Variants in SEMA6D observed in about 807,000 individuals in gnomAD.
SEMA6D encodes semaphorin 6D.
Under a neutral mutation model 106.6 loss-of-function variants are expected in SEMA6D, and 35 were observed. The ratio of observed to expected loss-of-function variants is 0.33; its 90% CI spans 0.25 to 0.44. The LOEUF is 0.44. Among genes scored for constraint, SEMA6D ranks in the 20% least tolerant of loss-of-function variants. The pLI, the probability that SEMA6D is intolerant of heterozygous loss-of-function variation, is 1.00. For missense variants in SEMA6D, 1,185 were observed against 1,345.9 expected (o/e 0.88, Z 1.87); for synonymous variants, 499 against 487.7 (o/e 1.02, Z -0.31).
chr15:47,227,882 CATATATATTTTATATATATAAGAATCTT>C (rs1555407333), intron 1 of SEMA6D, among the ~76,000 whole-genome samples: 6 of 100,170 alleles, frequency 6.0e-5, no homozygotes, highest in Admixed American at 2.1e-4. Flanking sequence ...ATATAAGAAT[CATATATATTTTATATATATAAGAATCTT>C]ATATATATTT....
chr15:47,197,685 G>A (rs926181448), intron 1 of SEMA6D, among the ~76,000 whole-genome samples: 2 of 152,022 alleles, frequency 1.3e-5, no homozygotes, highest in African/African-American at 4.8e-5. Context: ...TTGACTCACT[G>A]AAGGGCTTTT....
intron 1 of SEMA6D, among the ~76,000 whole-genome samples, chr15:47,727,900 G>A (rs1271011416): frequency 3.3e-5 from 5 of 152,288 alleles, no homozygotes; most frequent in Non-Finnish European, 5.9e-5. Flanking sequence ...CTTGTGCTTT[G>A]CACAATTGAC....
intron 1 of SEMA6D, among the ~76,000 whole-genome samples, chr15:47,394,539 G>C (rs1056488298): frequency 2.0e-5 from 3 of 152,060 alleles, no homozygotes; most frequent in East Asian, 1.9e-4. Flanking sequence ...GAGGGTCAAC[G>C]GTATTCACTA....
At chr15:47,757,638 T>C (rs2081830912) in intron 1 of SEMA6D, among the ~76,000 whole-genome samples, 1 of 152,216 alleles carries the variant, frequency 6.6e-6, no homozygotes, top group Non-Finnish European at 1.5e-5. Context: ...TGTTTTGTTA[T>C]GTTACTTTAT....
At chr15:47,466,853 A>G (rs1349293569) in intron 2 of SEMA6D, among the ~76,000 whole-genome samples, 1 of 147,942 alleles carries the variant, frequency 6.8e-6, no homozygotes, top group African/African-American at 2.5e-5. Context: ...CAGCCTCCCT[A>G]GTAGCTGGGA....
At chr15:47,573,873 A>G (rs2076109664) in intron 3 of SEMA6D, among the ~76,000 whole-genome samples, 1 of 151,882 alleles carries the variant, frequency 6.6e-6, no homozygotes, top group African/African-American at 2.4e-5. Flanking sequence ...ACTTTATCCT[A>G]CTCCATACAT....
chr15:47,709,009 A>G (rs1302151525), intron 4 of SEMA6D, among the ~76,000 whole-genome samples: 11 of 151,700 alleles, frequency 7.3e-5, no homozygotes, highest in Admixed American at 2.0e-4. Flanking sequence ...TTTTTTCCCT[A>G]CTCCCTAGAG....
intron 3 of SEMA6D, among the ~76,000 whole-genome samples, chr15:47,563,950 A>T (rs1452757239): frequency 6.6e-6 from 1 of 152,224 alleles, no homozygotes; most frequent in Non-Finnish European, 1.5e-5. Context: ...GTGCTGGCAG[A>T]TGGAAGGCTT....
chr15:47,549,999 A>C (rs2045633747), intron 3 of SEMA6D, among the ~76,000 whole-genome samples: 1 of 152,216 alleles, frequency 6.6e-6, no homozygotes, highest in Non-Finnish European at 1.5e-5. Context: ...TGGAAGATCT[A>C]AATTCTCATT....
chr15:47,603,867 A>C (rs1232778979), intron 4 of SEMA6D: 1 of 152,070 alleles, frequency 6.6e-6, no homozygotes, highest in Non-Finnish European at 1.5e-5. Flanking sequence ...AAAGGCTGGC[A>C]CTATGTTGCT....
intron 1 of SEMA6D, among the ~76,000 whole-genome samples, chr15:47,224,117 C>G (rs28706602): frequency 4.6e-5 from 7 of 151,214 alleles, no homozygotes; most frequent in African/African-American, 1.7e-4. Flanking sequence ...TGTAAGTAAC[C>G]TGCACAATGT....
intron 3 of SEMA6D, among the ~76,000 whole-genome samples, chr15:47,498,794 G>T (rs945703465): frequency 3.3e-5 from 5 of 152,126 alleles, no homozygotes; most frequent in African/African-American, 7.2e-5. Context: ...CATGACTGCA[G>T]ATCAGGAGAA....
chr15:47,644,890 C>G (rs937583002), intron 4 of SEMA6D, among the ~76,000 whole-genome samples: 1 of 152,070 alleles, frequency 6.6e-6, no homozygotes, highest in Non-Finnish European at 1.5e-5. Context: ...CTTTTGGGGG[C>G]CTGATTTAGT....
In SEMA6D at chr15:47,657,719, C is replaced by CTTTTTTTTTT. The variant is rs71118191; in HGVS notation, c.-55+56854_-55+56863dup. On this transcript the variant is annotated intron_variant, in intron 4 of 19. Coordinates refer to the SEMA6D transcript ENST00000558014. Reference sequence around the variant, plus strand: ...CATTTAGTGACAGAGGGCTTCATTTCTTTTTTTTTTTTTTTTTTTTTTTTT... The same window carrying CTTTTTTTTTT: ...CATTTAGTGACAGAGGGCTTCATTTCTTTTTTTTTTTTTTTTTTTTTTTTTTTTTTTTTTT... Among the ~76,000 whole-genome samples, 241 of 54,674 alleles carry CTTTTTTTTTT rather than the reference C, an allele frequency of 4.4e-3. 61 individuals carry two copies. The highest frequency in any genetic ancestry group is 5.2e-3 in the Non-Finnish European group (165 of 31,616). 35.9% of individuals were successfully genotyped at this position (54,674 alleles called of 152,430 possible).
intron 1 of SEMA6D, among the ~76,000 whole-genome samples, chr15:47,208,863 C>T (rs1166840429): frequency 2.6e-5 from 4 of 152,012 alleles, no homozygotes; most frequent in South Asian, 2.1e-4. Flanking sequence ...TTGGGTTGAC[C>T]TCTTGGGATA....
chr15:47,647,941 C>G lies in SEMA6D; in HGVS notation c.-55+47045C>G, dbSNP rs571920069. Among the ~76,000 whole-genome samples the G allele has an allele frequency of 1.3e-3, 196 of 152,246 alleles. 1 individual carries two copies. In the Middle Eastern group the frequency reaches 0.017, roughly 13 times the overall value. Reference sequence around the variant, plus strand: ...ATAGTGGGGTGCTGAATCATCCTTTCCGCACACTCACGTATTCTGGATGAT... The same window carrying G: ...ATAGTGGGGTGCTGAATCATCCTTTGCGCACACTCACGTATTCTGGATGAT... On this transcript the variant is annotated intron_variant, in intron 4 of 19. Coordinates refer to the SEMA6D transcript ENST00000558014.
chr15:47,348,301 T>C (rs924294049), intron 1 of SEMA6D, among the ~76,000 whole-genome samples: 1 of 152,148 alleles, frequency 6.6e-6, no homozygotes, highest in Non-Finnish European at 1.5e-5. Context: ...AACATCTCTC[T>C]TCCTCTCCTT....
chr15:47,374,816 A>T (rs985144440), intron 1 of SEMA6D, among the ~76,000 whole-genome samples: 1 of 152,148 alleles, frequency 6.6e-6, no homozygotes, highest in South Asian at 2.1e-4. Context: ...ATATAGAAAC[A>T]TCTATTAGAT....
At chr15:47,656,329 A>G (rs1263286745) in intron 4 of SEMA6D, among the ~76,000 whole-genome samples, 2 of 152,228 alleles carry the variant, frequency 1.3e-5, no homozygotes, top group Non-Finnish European at 2.9e-5. Context: ...ACAATGGTTC[A>G]GTATTTGCTA....
Sources: allele counts gnomAD v4.1 joint callset (sites outside exome capture counted in the v4.1 genomes callset), GRCh38; gene constraint gnomAD v4.1.1; transcripts MANE v1.5; gene names NCBI Gene and HGNC (gene_info 2026-07-23, HGNC 2026-07-21).